The following EDDM3A variants were observed in gnomAD, a reference collection of about 807,000 sequenced individuals.
EDDM3A encodes epididymal secretory protein E3-alpha.
For synonymous variants in EDDM3A, 75 were observed against 60.4 expected (o/e 1.24, Z -1.12); for missense variants, 199 against 177.4 (o/e 1.12, Z -0.69).
chr14:20,743,555 A>C (rs1012666046), upstream of EDDM3A, among the ~76,000 whole-genome samples: 8 of 152,200 alleles, frequency 5.3e-5, no homozygotes, highest in African/African-American at 1.9e-4. Context: ...TAATAATAAT[A>C]ATAAAAGGAC....
At chr14:20,738,645 G>A in the EDDM3A span, among the ~76,000 whole-genome samples, 175 of 152,128 alleles carry the variant, frequency 1.2e-3, no homozygotes, top group African/African-American at 4.0e-3. Flanking sequence ...TCTTAGCTGG[G>A]GCCCCTATAA....
upstream of EDDM3A, among the ~76,000 whole-genome samples, chr14:20,742,764 C>CT (rs113097213): frequency 8.9e-4 from 127 of 143,216 alleles, no homozygotes; most frequent in Middle Eastern, 3.6e-3. Context: ...AAAAATTTTT[C>CT]TTTTTTTTTT....
At chr14:20,742,588 G>A (rs1220723987), upstream of EDDM3A, among the ~76,000 whole-genome samples, 2 of 151,876 alleles carry the variant, frequency 1.3e-5, no homozygotes, top group African/African-American at 4.8e-5. Context: ...TTTAGTTTTT[G>A]TTATGTTTGT....
the EDDM3A span, among the ~76,000 whole-genome samples, chr14:20,737,028 CTTTCT>C: frequency 4.8e-4 from 71 of 146,508 alleles, no homozygotes; most frequent in African/African-American, 1.5e-3. Context: ...ATGCAGACTT[CTTTCT>C]TTTCTTTTCT....
In EDDM3A at chr14:20,748,060, T is replaced by G; in HGVS notation, c.*36T>G. The G allele has an allele frequency of 6.6e-7, 1 of 1,511,208 alleles. No individual in the cohort carries two copies. The highest frequency in any genetic ancestry group is 1.3e-5 in the South Asian group (1 of 75,800). 93.6% of individuals were successfully genotyped at this position (1,511,208 alleles called of 1,614,324 possible). A position where few individuals can be genotyped will look rare whatever the true frequency, so the allele number is the denominator to read the frequency against. On this transcript the variant is annotated 3_prime_UTR_variant, in exon 2 of 2. Transcript: ENST00000326842. Reference sequence around the variant, plus strand: ...CACATCCTCAGATATTGGTAGAGTATTCAGTGCTTCCAAAGTGGTGGGCCC... The same window carrying G: ...CACATCCTCAGATATTGGTAGAGTAGTCAGTGCTTCCAAAGTGGTGGGCCC...
In EDDM3A at chr14:20,747,190, G is replaced by T. The variant is rs535548572; in HGVS notation, c.-26-365G>T. Among the ~76,000 whole-genome samples, 14 of 143,542 alleles carry T rather than the reference G, an allele frequency of 9.8e-5. No individual in the cohort carries two copies. In the Admixed American group the frequency reaches 1.0e-3, roughly 11 times the overall value. The allele number at this position is 143,542 out of a possible 152,430, so 94.2% of individuals were successfully genotyped here. ...GTGATGTCGGCTCACCGCAACCTCC[G>T]CCTCCCAGGTTCAAGCGATTCTCCT... On this transcript the variant is annotated intron_variant, in intron 1 of 1. Transcript: ENST00000326842.
At chr14:20,736,916 T>C in the EDDM3A span, among the ~76,000 whole-genome samples, 292 of 151,980 alleles carry the variant, frequency 1.9e-3, no homozygotes, top group African/African-American at 6.3e-3. Flanking sequence ...TTTTGCCATG[T>C]TGCCGAGGCT....
the EDDM3A span, among the ~76,000 whole-genome samples, chr14:20,738,057 T>C: frequency 2.2e-3 from 332 of 152,326 alleles, no homozygotes; most frequent in Non-Finnish European, 2.4e-3. Flanking sequence ...TCAGTGTATC[T>C]ACATTGGTCA....
upstream of EDDM3A, among the ~76,000 whole-genome samples, chr14:20,742,734 G>C (rs148954922): frequency 1.3e-5 from 2 of 151,908 alleles, no homozygotes; most frequent in Non-Finnish European, 2.9e-5. Context: ...TTACAGGCAC[G>C]TGCTACCACT....
chr14:20,742,428 T>C (rs2139076859), upstream of EDDM3A, among the ~76,000 whole-genome samples: 1 of 152,386 alleles, frequency 6.6e-6, no homozygotes, highest in African/African-American at 2.4e-5. Context: ...TTCTCTTAAC[T>C]GACTAAAGCA....
chr14:20,747,526 G>A, intron 1 of EDDM3A, 29 bp from the exon 2 acceptor site: 3 of 1,390,306 alleles, frequency 2.2e-6, no homozygotes, highest in Non-Finnish European at 3.0e-6. Context: ...GTATAGTCTG[G>A]TTAATGCTTT....
chr14:20,744,923 T>C (rs1045174171), upstream of EDDM3A, among the ~76,000 whole-genome samples: 2 of 152,200 alleles, frequency 1.3e-5, no homozygotes, highest in Non-Finnish European at 2.9e-5. Context: ...ATTCACAACA[T>C]TAAAAGTGAT....
At chr14:20,738,248 C>T in the EDDM3A span, among the ~76,000 whole-genome samples, 17 of 151,996 alleles carry the variant, frequency 1.1e-4, no homozygotes, top group Admixed American at 2.0e-4. Context: ...CCGAAGCAGG[C>T]GGATCACAAG....
At position 20,747,606 on chromosome 14, in the gene EDDM3A, G is replaced by A. The variant is rs752282565; in HGVS notation, c.26G>A (p.Gly9Asp). 5 of 1,609,988 alleles carry A rather than the reference G, an allele frequency of 3.1e-6. No homozygotes were observed. The East Asian group carries it at 8.9e-5, about 29-fold the overall frequency. The change falls in exon 2 of 2, where the codon GGC becomes GAC. Residue 9 changes from glycine (G) to aspartate (D), a missense_variant. Coordinates refer to ENST00000326842, the MANE Select transcript of EDDM3A (RefSeq NM_006683.5). Reference sequence around the variant, plus strand: ...ATGACATCCTCTCTAAAGATTTGGGGCATACTCTTGGCCCTGCTTTGCATC... The same window carrying A: ...ATGACATCCTCTCTAAAGATTTGGGACATACTCTTGGCCCTGCTTTGCATC... Reference protein sequence around the residue: MTSSLKIWGILLALLCILC... With the variant: MTSSLKIWDILLALLCILC...
At chr14:20,743,116 C>T (rs1196138263), upstream of EDDM3A, among the ~76,000 whole-genome samples, 1 of 152,174 alleles carries the variant, frequency 6.6e-6, no homozygotes, top group Non-Finnish European at 1.5e-5. Flanking sequence ...GAATTCCATC[C>T]ATGGAGCCCT....
the EDDM3A span, among the ~76,000 whole-genome samples, chr14:20,737,054 CTTTTTTT>C: frequency 1.8e-5 from 2 of 109,964 alleles, no homozygotes; most frequent in African/African-American, 3.1e-5. Context: ...TTTCTTTTTC[CTTTTTTT>C]TTTTTTTTTG....
chr14:20,742,390 G>T (rs1440435632), upstream of EDDM3A, among the ~76,000 whole-genome samples: 1 of 152,160 alleles, frequency 6.6e-6, no homozygotes, highest in African/African-American at 2.4e-5. Flanking sequence ...GACCTTGCTG[G>T]TCCTCGCGTA....
Position 20,748,132 on chromosome 14 carries a change from C to T in EDDM3A, c.*108C>T. The T allele has an allele frequency of 1.3e-6, 1 of 759,466 alleles. No individual in the cohort carries two copies. Among genetic ancestry groups the T allele is most frequent in the Admixed American group, 2.8e-5 (1 of 36,346 alleles). 47.0% of individuals were successfully genotyped at this position (759,466 alleles called of 1,614,324 possible). ...CCACTCCCCGCTTACATTTATGTGT[C>T]AGTGTTTTCCAACTACTTAGAGTTT... is the stretch of plus-strand genomic sequence containing the variant. On this transcript the variant is annotated 3_prime_UTR_variant, in exon 2 of 2. Transcript: ENST00000326842.
chr14:20,746,694 G>A (rs1427238972), intron 1 of EDDM3A, among the ~76,000 whole-genome samples: 1 of 152,198 alleles, frequency 6.6e-6, no homozygotes, highest in Non-Finnish European at 1.5e-5. Context: ...ATGATCACAT[G>A]TTTCACCCAG....
Sources: gnomAD v4.1 joint callset for allele counts (sites outside exome capture counted in the v4.1 genomes callset) on GRCh38, gnomAD v4.1.1 for gene constraint, MANE v1.5 for transcripts, NCBI Gene and HGNC (gene_info 2026-07-23, HGNC 2026-07-21) for gene names.